LYPD6B: variants seen among roughly 807,000 people sequenced by gnomAD.
LYPD6B encodes the protein ly6/PLAUR domain-containing protein 6B.
A neutral mutation model predicts 22.8 loss-of-function variants in LYPD6B; 17 were observed. The observed-to-expected ratio is 0.75, with a 90% CI of 0.51 to 1.12. The LOEUF (loss-of-function observed/expected upper bound fraction) is 1.12. Ranked by LOEUF, LYPD6B falls within the 50% of genes most tolerant of loss-of-function variation. The probability of loss-of-function intolerance (pLI) is 0.00; values close to 1 mark genes in which losing one functional copy is unlikely to be tolerated. For missense variants in LYPD6B, 221 were observed against 258.3 expected (o/e 0.86, Z 0.99); for synonymous variants, 106 against 91.6 (o/e 1.16, Z -0.90).
At chr2:149,068,922 G>A in intron 1 of LYPD6B, 1 of 264,478 alleles carries the variant, frequency 3.8e-6, no homozygotes, top group East Asian at 9.6e-5. Flanking sequence ...TTGGCTGATG[G>A]GGTCTTCTAA....
intron 1 of LYPD6B, among the ~76,000 whole-genome samples, chr2:149,120,361 G>GTGTGTGTATATATA (rs796413041): frequency 7.7e-5 from 3 of 38,758 alleles, no homozygotes; most frequent in African/African-American, 5.3e-4. Context: ...GTGTGTGTGT[G>GTGTGTGTATATATA]TATATATATA....
intron 3 of LYPD6B, among the ~76,000 whole-genome samples, chr2:149,184,186 CA>C (rs11353542): frequency 0.82 from 121,186 of 147,278 alleles, 51,383 homozygotes; most frequent in South Asian, 0.96. Context: ...AACTCCATCT[CA>C]AAAAAAAAAA....
intron 1 of LYPD6B, among the ~76,000 whole-genome samples, chr2:149,125,984 CT>C (rs1687674331): frequency 6.6e-6 from 1 of 152,128 alleles, no homozygotes; most frequent in Non-Finnish European, 1.5e-5. Flanking sequence ...TTATTTTCTC[CT>C]ACCACTTTGA....
intron 1 of LYPD6B, among the ~76,000 whole-genome samples, chr2:149,071,428 T>G (rs1479410051): frequency 6.6e-6 from 1 of 152,198 alleles, no homozygotes; most frequent in Non-Finnish European, 1.5e-5. Flanking sequence ...CTTTGAAAGT[T>G]GAAATACTTT....
intron 1 of LYPD6B, among the ~76,000 whole-genome samples, chr2:149,058,748 T>C (rs1207821610): frequency 6.6e-6 from 1 of 152,190 alleles, no homozygotes; most frequent in Non-Finnish European, 1.5e-5. Context: ...GCCTCCCTAG[T>C]AGCTGGGATG....
At chr2:149,103,746 T>A (rs1686327222) in intron 1 of LYPD6B, among the ~76,000 whole-genome samples, 1 of 150,588 alleles carries the variant, frequency 6.6e-6, no homozygotes, top group Non-Finnish European at 1.5e-5. Context: ...ATCATTTTTG[T>A]GATGTTCATA....
chr2:149,040,879 C>T (rs976197258), intron 1 of LYPD6B, among the ~76,000 whole-genome samples: 1 of 152,048 alleles, frequency 6.6e-6, no homozygotes, highest in Non-Finnish European at 1.5e-5. Context: ...TTCATTCATT[C>T]GACATATAAT....
chr2:149,190,409 T>C (rs1692415919), intron 3 of LYPD6B, among the ~76,000 whole-genome samples: 1 of 152,202 alleles, frequency 6.6e-6, no homozygotes. Context: ...ATTGTACATG[T>C]ATGCAAGTCT....
chr2:149,208,402 G>A lies in LYPD6B; in HGVS notation c.318G>A (p.Trp106Ter). ...YNCNRWAEDK[W>*]CPQNTQYCLT... ...GCAATCGATGGGCAGAAGACAAATGGTGTCCACAAAGTAAGTGTGCTGAGT... is the reference window on the plus strand; with the variant it reads ...GCAATCGATGGGCAGAAGACAAATGATGTCCACAAAGTAAGTGTGCTGAGT... The change falls in exon 5 of 7, where the codon TGG becomes TGA. Residue 106 changes from tryptophan to a stop codon, truncating the protein, a stop_gained. Coordinates refer to ENST00000409642, the MANE Select transcript of LYPD6B (RefSeq NM_177964.5). LOFTEE classifies it high-confidence loss of function. 1 of 1,612,834 alleles carries A rather than the reference G, an allele frequency of 6.2e-7. No homozygotes were observed. The highest frequency in any genetic ancestry group is 8.5e-7 in the Non-Finnish European group (1 of 1,178,878).
intron 1 of LYPD6B, among the ~76,000 whole-genome samples, chr2:149,125,504 A>G (rs1411157830): frequency 6.6e-6 from 1 of 152,120 alleles, no homozygotes; most frequent in Non-Finnish European, 1.5e-5. Context: ...AATGTGGAGG[A>G]CAGGCTTGGC....
intron 1 of LYPD6B, among the ~76,000 whole-genome samples, chr2:149,057,912 T>G (rs1683884996): frequency 6.6e-6 from 1 of 152,210 alleles, no homozygotes; most frequent in South Asian, 2.1e-4. Context: ...GTATTGTTAC[T>G]CAGTTACTGT....
chr2:149,080,855 A>C (rs1461062151), intron 1 of LYPD6B, among the ~76,000 whole-genome samples: 2 of 132,892 alleles, frequency 1.5e-5, no homozygotes, highest in African/African-American at 2.8e-5. Flanking sequence ...AAAAAAAAAA[A>C]AAAAAAAAAA....
chr2:149,111,157 A>G (rs545134877), intron 1 of LYPD6B, among the ~76,000 whole-genome samples: 1 of 152,312 alleles, frequency 6.6e-6, no homozygotes, highest in South Asian at 2.1e-4. Flanking sequence ...AGGGACCCCC[A>G]GGAGGATGGG....
chr2:149,205,970 C>G, intron 4 of LYPD6B: 1 of 459,312 alleles, frequency 2.2e-6, no homozygotes, highest in Admixed American at 2.5e-5. Flanking sequence ...ATACATATGT[C>G]TAGATATGTG....
chr2:149,168,534 A>G (rs971393126), intron 3 of LYPD6B, among the ~76,000 whole-genome samples: 1 of 152,192 alleles, frequency 6.6e-6, no homozygotes, highest in African/African-American at 2.4e-5. Flanking sequence ...CGACAAGCCC[A>G]TGCCTGATTT....
chr2:149,194,935 T>C (rs1692714937), intron 3 of LYPD6B, among the ~76,000 whole-genome samples: 1 of 152,186 alleles, frequency 6.6e-6, no homozygotes, highest in African/African-American at 2.4e-5. Context: ...GAATCACAGG[T>C]GAATGTACTA....
At chr2:149,112,755 A>C (rs946259960) in intron 1 of LYPD6B, among the ~76,000 whole-genome samples, 15 of 152,172 alleles carry the variant, frequency 9.9e-5, no homozygotes, top group African/African-American at 4.8e-5. Flanking sequence ...AAGGGACAAA[A>C]ATATTCATAC....
intron 2 of LYPD6B, among the ~76,000 whole-genome samples, chr2:149,141,745 G>A (rs556620687): frequency 2.0e-4 from 30 of 152,232 alleles, no homozygotes; most frequent in Admixed American, 9.2e-4. Flanking sequence ...AATACAAGCC[G>A]GATGGCTCAG....
chr2:149,134,006 A>C (rs1184385787), intron 2 of LYPD6B, among the ~76,000 whole-genome samples: 1 of 152,106 alleles, frequency 6.6e-6, no homozygotes, highest in Non-Finnish European at 1.5e-5. Flanking sequence ...AAATGAAGGA[A>C]GGAAGGTTAG....
Sources: allele counts gnomAD v4.1 joint callset (sites outside exome capture counted in the v4.1 genomes callset), GRCh38; gene constraint gnomAD v4.1.1; transcripts MANE v1.5; gene names NCBI Gene and HGNC (gene_info 2026-07-23, HGNC 2026-07-21).